Variants in PRMT3 observed in about 807,000 individuals in gnomAD.
The protein encoded by PRMT3 is protein arginine methyltransferase 3.
A neutral mutation model predicts 71.9 loss-of-function variants in PRMT3; 62 were observed. That is an observed-to-expected ratio of 0.86 (90% CI 0.70 to 1.07). PRMT3 has a LOEUF of 1.07. PRMT3 is among the 50% of genes least tolerant of loss of function. The probability of loss-of-function intolerance (pLI) is 0.00; values close to 1 mark genes in which losing one functional copy is unlikely to be tolerated. For missense variants in PRMT3, 663 were observed against 643.0 expected, an observed-to-expected ratio of 1.03 and a Z score of -0.34; for synonymous variants, 213 against 220.4, an observed-to-expected ratio of 0.97 and a Z score of 0.30.
intron 10 of PRMT3, among the ~76,000 whole-genome samples, chr11:20,447,775 G>A (rs887611433): frequency 2.6e-5 from 4 of 151,894 alleles, no homozygotes; most frequent in East Asian, 1.9e-4. Flanking sequence ...TGTCAGTTGC[G>A]TTGTTTACCA....
rs1174392736 is a variant in PRMT3 at position 20,508,915 on chromosome 11, A to T, written c.*502A>T. On this transcript the variant is annotated 3_prime_UTR_variant, in exon 16 of 16. Coordinates refer to ENST00000331079, the MANE Select transcript of PRMT3 (RefSeq NM_005788.4). ...AAGATTTGTATAAAAAAACTAAAAT[A>T]TGGAAAAGAGCTTCAGCCTTCATAT... The T allele has an allele frequency of 5.2e-6, 1 of 191,234 alleles. No individual in the cohort carries two copies. 11.8% of individuals were successfully genotyped at this position (191,234 alleles called of 1,614,324 possible).
In PRMT3 at chr11:20,494,250, A is replaced by G; in HGVS notation, c.1482A>G (p.Lys494=). Residue 494 remains lysine, a synonymous_variant, in exon 15 of 16, where the codon AAA becomes AAG. Coordinates refer to ENST00000331079, the MANE Select transcript of PRMT3 (RefSeq NM_005788.4). ...VFLLEKPFSV[K]AGEALKGKVT... ...TACTGGAAAAACCATTTTCAGTTAAAGCAGGTGAGAAAGAATAGTAGGGGG... is the reference window on the plus strand; with the variant it reads ...TACTGGAAAAACCATTTTCAGTTAAGGCAGGTGAGAAAGAATAGTAGGGGG... The G allele has an allele frequency of 6.3e-7, 1 of 1,583,170 alleles. No individual in the cohort carries two copies. Among genetic ancestry groups the G allele is most frequent in the Non-Finnish European group, 8.7e-7 (1 of 1,152,660 alleles).
At chr11:20,486,611 G>T (rs1336435706) in intron 13 of PRMT3, among the ~76,000 whole-genome samples, 2 of 152,054 alleles carry the variant, frequency 1.3e-5, no homozygotes, top group African/African-American at 4.8e-5. Context: ...GGTGCACAAG[G>T]AACAATGGAA....
intron 6 of PRMT3, 55 bp downstream of exon 6, chr11:20,396,017 C>A (rs889971549): frequency 2.0e-6 from 3 of 1,525,474 alleles, no homozygotes; most frequent in Non-Finnish European, 2.7e-6. Flanking sequence ...ATAATACAAC[C>A]TAATGGCAAA....
At chr11:20,461,058 T>G (rs984402159) in intron 11 of PRMT3, among the ~76,000 whole-genome samples, 1 of 152,230 alleles carries the variant, frequency 6.6e-6, no homozygotes, top group Non-Finnish European at 1.5e-5. Context: ...GGATTATCAT[T>G]ATTCTTAGAA....
chr11:20,392,225 G>A lies in PRMT3; in HGVS notation c.262G>A (p.Gly88Arg). Reference sequence around the variant, plus strand: ...TCCCCCTTTAGGACTTGAATTTTATGGATACATTAAGCTAATAAATTTTAT... The same window carrying A: ...TCCCCCTTTAGGACTTGAATTTTATAGATACATTAAGCTAATAAATTTTAT... ...MVHKHGLEFY[G>R]YIKLINFIRL... Residue 88 changes from glycine (G) to arginine (R), a missense_variant, in exon 4 of 16, where the codon GGA (glycine) becomes AGA (arginine). Physicochemically the swap from Gly to Arg is moderately radical, Grantham distance 125. Coordinates refer to ENST00000331079, the MANE Select transcript of PRMT3 (RefSeq NM_005788.4). 1 of 1,568,110 alleles carries A rather than the reference G, an allele frequency of 6.4e-7. No homozygotes were observed. The highest frequency in any genetic ancestry group is 8.7e-7 in the Non-Finnish European group (1 of 1,150,332).
chr11:20,413,116 G>A (rs1241062081), intron 9 of PRMT3, among the ~76,000 whole-genome samples: 1 of 152,120 alleles, frequency 6.6e-6, no homozygotes, highest in Non-Finnish European at 1.5e-5. Context: ...TTTTGGATAA[G>A]CCAACATTGT....
At chr11:20,393,632 T>C (rs1449251477) in intron 5 of PRMT3, among the ~76,000 whole-genome samples, 1 of 152,222 alleles carries the variant, frequency 6.6e-6, no homozygotes, top group African/African-American at 2.4e-5. Flanking sequence ...GAATATGGTT[T>C]AGGCCTTTGA....
chr11:20,410,071 TGTAAA>T (rs1200407214), intron 9 of PRMT3, among the ~76,000 whole-genome samples: 1 of 152,130 alleles, frequency 6.6e-6, no homozygotes, highest in Non-Finnish European at 1.5e-5. Context: ...ATGAAAGAAA[TGTAAA>T]GGAATTATAA....
At chr11:20,410,246 C>G (rs1849165685) in intron 9 of PRMT3, among the ~76,000 whole-genome samples, 2 of 152,012 alleles carry the variant, frequency 1.3e-5, no homozygotes, top group African/African-American at 4.8e-5. Flanking sequence ...TAAAATGTTT[C>G]TGACATATAC....
At chr11:20,428,504 C>T (rs2133354829) in intron 10 of PRMT3, among the ~76,000 whole-genome samples, 1 of 152,316 alleles carries the variant, frequency 6.6e-6, no homozygotes, top group Non-Finnish European at 1.5e-5. Context: ...GGATTTTTCA[C>T]TTCCAAATCT....
intron 10 of PRMT3, among the ~76,000 whole-genome samples, chr11:20,439,383 T>A (rs1158000900): frequency 1.3e-5 from 2 of 152,188 alleles, no homozygotes; most frequent in Non-Finnish European, 2.9e-5. Flanking sequence ...TCCCTTTCAT[T>A]CTCAATGTGG....
intron 13 of PRMT3, among the ~76,000 whole-genome samples, chr11:20,468,801 C>G (rs1338918710): frequency 6.6e-6 from 1 of 152,204 alleles, no homozygotes; most frequent in Non-Finnish European, 1.5e-5. Context: ...ATGCTATAGA[C>G]TGATAATGCT....
chr11:20,502,472 G>C (rs973317954), intron 15 of PRMT3, among the ~76,000 whole-genome samples: 5 of 152,148 alleles, frequency 3.3e-5, no homozygotes, highest in African/African-American at 1.2e-4. Context: ...ATCAGCATCA[G>C]CTTATATATA....
intron 10 of PRMT3, among the ~76,000 whole-genome samples, chr11:20,434,914 T>G (rs1380326746): frequency 6.6e-6 from 1 of 152,262 alleles, no homozygotes; most frequent in East Asian, 1.9e-4. Context: ...CCTAGTTCTG[T>G]GAAGAATGTC....
chr11:20,483,531 C>A (rs1330479410), intron 13 of PRMT3, among the ~76,000 whole-genome samples: 1 of 143,304 alleles, frequency 7.0e-6, no homozygotes, highest in Admixed American at 7.1e-5. Flanking sequence ...GGGCTGCAAG[C>A]CTTTTTAAAT....
chr11:20,402,664 G>A (rs540263908), intron 7 of PRMT3, among the ~76,000 whole-genome samples: 20 of 152,108 alleles, frequency 1.3e-4, no homozygotes, highest in Non-Finnish European at 2.5e-4. Flanking sequence ...GATAATGCAC[G>A]TCAAGAGGAA....
chr11:20,485,083 AGACTGTGCCCAAGAATAAG>A (rs1490696081), intron 13 of PRMT3, among the ~76,000 whole-genome samples: 1 of 152,202 alleles, frequency 6.6e-6, no homozygotes, highest in Non-Finnish European at 1.5e-5. Context: ...GGGACTGTAA[AGACTGTGCCCAAGAATAAG>A]GTATGAGAGA....
Position 20,387,781 on chromosome 11 carries a change from A to G in PRMT3, c.28+7A>G. 6.5e-7 allele frequency: 1 copy of G among 1,541,912 alleles called. No homozygotes were observed. Among genetic ancestry groups the G allele is most frequent in the East Asian group, 2.4e-5 (1 of 40,866 alleles). On this transcript the variant is annotated splice_region_variant and intron_variant, in intron 1 of 15. Transcript: ENST00000331079. This position sits in a 1 kb window ranked among gnomAD's most constrained non-coding sequence, Gnocchi z 4.3. ...TTAGCGTCAGGCGCTACCGGTGGGT[A>G]CCCTGGCCCCTCAGCACCCGGCTCG...
Sources: gnomAD v4.1 joint callset for allele counts (sites outside exome capture counted in the v4.1 genomes callset) on GRCh38, gnomAD v4.1.1 for gene constraint, Gnocchi (gnomAD v3.1) non-coding constraint, MANE v1.5 for transcripts, NCBI Gene and HGNC (gene_info 2026-07-23, HGNC 2026-07-21) for gene names.